Variants in PCDHGC3 observed in about 807,000 individuals in gnomAD.
The protein encoded by PCDHGC3 is protocadherin gamma subfamily C, 3, also known as protocadherin gamma-C3.
Under a neutral mutation model 59.2 loss-of-function variants are expected in PCDHGC3, and 26 were observed. The ratio of observed to expected loss-of-function variants is 0.44; its 90% CI spans 0.32 to 0.61. The LOEUF (loss-of-function observed/expected upper bound fraction) is 0.61, where lower values mean the gene tolerates loss of function less well. PCDHGC3 is among the 20% of genes least tolerant of loss of function. PCDHGC3 has a pLI of 0.05. For synonymous variants in PCDHGC3, 487 were observed against 519.7 expected (o/e 0.94, Z 0.86); for missense variants, 1,080 against 1,221.8 (o/e 0.88, Z 1.73).
Position 141,491,078 on chromosome 5 carries a change from C to G in PCDHGC3, c.2431-3729C>G, listed in dbSNP as rs1386717886. The G allele has an allele frequency of 5.6e-6, 9 of 1,614,194 alleles. No homozygotes were observed. Among genetic ancestry groups the G allele is most frequent in the East Asian group, 4.5e-5 (2 of 44,882 alleles). ...CTCTCCTACTCACTGTTGCCACAGTCCACAGCCCCAGGACTGTTCCTCGTG... is the reference window on the plus strand; with the variant it reads ...CTCTCCTACTCACTGTTGCCACAGTGCACAGCCCCAGGACTGTTCCTCGTG... On this transcript the variant is annotated intron_variant, in intron 1 of 3. Transcript: ENST00000308177. This position sits in a 1 kb window ranked among gnomAD's most constrained non-coding sequence, Gnocchi z 6.9.
At chr5:141,500,877 A>C (rs2099803156) in intron 2 of PCDHGC3, among the ~76,000 whole-genome samples, 1 of 122,292 alleles carries the variant, frequency 8.2e-6, no homozygotes, top group African/African-American at 3.9e-5. Flanking sequence ...TTCATTTACA[A>C]TTTTTTTTTT....
In PCDHGC3 at chr5:141,489,597, A is replaced by G; in HGVS notation, c.2431-5210A>G. 6.2e-7 allele frequency: 1 copy of G among 1,614,100 alleles called. No individual in the cohort carries two copies. The highest frequency in any genetic ancestry group is 1.3e-5 in the African/African-American group (1 of 75,040). ...AACACCCCCTGGAGCTAATCCGTGTAGAGGTAGAGATCCTGGATCTCAATG... is the reference window on the plus strand; with the variant it reads ...AACACCCCCTGGAGCTAATCCGTGTGGAGGTAGAGATCCTGGATCTCAATG... On this transcript the variant is annotated intron_variant, in intron 1 of 3. Transcript: ENST00000308177. The surrounding 1 kb of genome is among the most constrained non-coding windows in gnomAD (Gnocchi z 4.5).
chr5:141,486,166 G>A lies in PCDHGC3; in HGVS notation c.2430+7620G>A. ...GCGATGGGGGTTCTCCAGCCATGGA[G>A]CAACATTGCAGCCTTCGAGTGGATC... On this transcript the variant is annotated intron_variant, in intron 1 of 3. Coordinates refer to ENST00000308177, the MANE Select transcript of PCDHGC3 (RefSeq NM_002588.4). The surrounding 1 kb of genome is among the most constrained non-coding windows in gnomAD (Gnocchi z 5.0). The A allele has an allele frequency of 2.5e-6, 4 of 1,614,224 alleles. No individual in the cohort carries two copies. The highest frequency in any genetic ancestry group is 3.4e-6 in the Non-Finnish European group (4 of 1,180,040).
Position 141,478,316 on chromosome 5 carries a change from C to T in PCDHGC3, c.2200C>T (p.Leu734=), listed in dbSNP as rs776948755. ...RDLYRAPVSS[L]YRTPGPSLHA... ...CCTATACCGAGCCCCGGTGAGCTCA[C>T]TGTACCGAACACCAGGGCCCTCCTT... Residue 734 remains leucine, a synonymous_variant, in exon 1 of 4, where the codon CTG becomes TTG. Coordinates refer to ENST00000308177, the MANE Select transcript of PCDHGC3 (RefSeq NM_002588.4). 120 of 1,613,924 alleles carry T rather than the reference C, an allele frequency of 7.4e-5. 2 individuals carry two copies. In the South Asian group the frequency reaches 1.3e-3, roughly 18 times the overall value.
At chr5:141,509,573 C>G (rs372901649) in intron 3 of PCDHGC3, among the ~76,000 whole-genome samples, 4 of 152,164 alleles carry the variant, frequency 2.6e-5, no homozygotes, top group Admixed American at 2.6e-4. Context: ...CTTCACAGTG[C>G]GTACAAATCA....
In PCDHGC3 at chr5:141,491,759, G is replaced by A; in HGVS notation, c.2431-3048G>A. On this transcript the variant is annotated intron_variant, in intron 1 of 3. Coordinates refer to ENST00000308177, the MANE Select transcript of PCDHGC3 (RefSeq NM_002588.4). The surrounding 1 kb of genome is among the most constrained non-coding windows in gnomAD (Gnocchi z 6.9). ...GGGGGCGGCACTGGAGAAGCCGCCC[G>A]TCCTCATAAGGGATTGAACTTGCAT... 2 of 1,575,392 alleles carry A rather than the reference G, an allele frequency of 1.3e-6. No homozygotes were observed. The highest frequency in any genetic ancestry group is 1.9e-5 in the Admixed American group (1 of 52,640).
At position 141,494,758 on chromosome 5, in the gene PCDHGC3, T is replaced by C. The variant is rs370692038; in HGVS notation, c.2431-49T>C. ...CCATCCCTAGGGGCTCGGGTGACAT[T>C]CTAACTTCTCACGGGTACTCAGCCC... On this transcript the variant is annotated intron_variant, in intron 1 of 3. Transcript: ENST00000308177. The C allele has an allele frequency of 1.3e-5, 21 of 1,613,682 alleles. No homozygotes were observed. The African/African-American group carries it at 2.7e-4, about 21-fold the overall frequency.
chr5:141,477,066 T>C lies in PCDHGC3; in HGVS notation c.950T>C (p.Leu317Pro). ...CGGCTGGACTTCGAGGACACCAAAC[T>C]CCATGAGATTTACATCCAGGCCAAA... Reference protein sequence around the residue: ...KGRLDFEDTKLHEIYIQAKDK... With the variant: ...KGRLDFEDTKPHEIYIQAKDK... Residue 317 changes from leucine (L) to proline (P), a missense_variant, in exon 1 of 4, where the codon CTC becomes CCC. By Grantham distance (98) the Leu-to-Pro change is moderately conservative. Coordinates refer to ENST00000308177, the MANE Select transcript of PCDHGC3 (RefSeq NM_002588.4). This position sits in a 1 kb window ranked among gnomAD's most constrained non-coding sequence, Gnocchi z 4.9. 6.2e-7 allele frequency: 1 copy of C among 1,614,148 alleles called. No homozygotes were observed. The highest frequency in any genetic ancestry group is 8.5e-7 in the Non-Finnish European group (1 of 1,180,028).
At position 141,486,427 on chromosome 5, in the gene PCDHGC3, A is replaced by T. The variant is rs775958317; in HGVS notation, c.2430+7881A>T. ...CTGGACCCTTGGATCGAGAGGCCAAATCTAGCTATGACATCATGGTCACTG... is the reference window on the plus strand; with the variant it reads ...CTGGACCCTTGGATCGAGAGGCCAATTCTAGCTATGACATCATGGTCACTG... On this transcript the variant is annotated intron_variant, in intron 1 of 3. Transcript: ENST00000308177. The surrounding 1 kb of genome is among the most constrained non-coding windows in gnomAD (Gnocchi z 5.0). 17 of 1,614,042 alleles carry T rather than the reference A, an allele frequency of 1.1e-5. No homozygotes were observed. The Admixed American group carries it at 2.8e-4, about 27-fold the overall frequency.
At position 141,486,447 on chromosome 5, in the gene PCDHGC3, T is replaced by A. The variant is rs1452869378; in HGVS notation, c.2430+7901T>A. 6.2e-7 allele frequency: 1 copy of A among 1,614,058 alleles called. No individual in the cohort carries two copies. The highest frequency in any genetic ancestry group is 1.7e-5 in the Admixed American group (1 of 60,012). On this transcript the variant is annotated intron_variant, in intron 1 of 3. Coordinates refer to ENST00000308177, the MANE Select transcript of PCDHGC3 (RefSeq NM_002588.4). This position sits in a 1 kb window ranked among gnomAD's most constrained non-coding sequence, Gnocchi z 5.0. Reference sequence around the variant, plus strand: ...GCCAAATCTAGCTATGACATCATGGTCACTGCTTCTGATGCTGGGAACCCT... The same window carrying A: ...GCCAAATCTAGCTATGACATCATGGACACTGCTTCTGATGCTGGGAACCCT...
At chr5:141,507,121 G>A (rs940889204) in intron 3 of PCDHGC3, 1 of 152,126 alleles carries the variant, frequency 6.6e-6, no homozygotes, top group African/African-American at 2.4e-5. Flanking sequence ...GGCTGCCTTT[G>A]GATCCAGCCT....
chr5:141,489,846 T>C lies in PCDHGC3; in HGVS notation c.2431-4961T>C. The C allele has an allele frequency of 6.2e-7, 1 of 1,614,190 alleles. No individual in the cohort carries two copies. The highest frequency in any genetic ancestry group is 1.1e-5 in the South Asian group (1 of 91,088). ...TGGTGCTAGAGCAGCAGCTGGATCG[T>C]GAAGCCCAGGCAAGACATCAGCTGG... is the stretch of plus-strand genomic sequence containing the variant. On this transcript the variant is annotated intron_variant, in intron 1 of 3. Coordinates refer to ENST00000308177, the MANE Select transcript of PCDHGC3 (RefSeq NM_002588.4). This position sits in a 1 kb window ranked among gnomAD's most constrained non-coding sequence, Gnocchi z 4.5.
intron 2 of PCDHGC3, 22 bp downstream of exon 2, chr5:141,494,887 C>T (rs116522768): frequency 0.014 from 22,125 of 1,614,118 alleles, 208 homozygotes; most frequent in Middle Eastern, 0.021. Context: ...ATTCTCCAGC[C>T]CACCCTCTTC....
At chr5:141,479,505 G>A (rs2099498324) in intron 1 of PCDHGC3, 1 of 152,262 alleles carries the variant, frequency 6.6e-6, no homozygotes, top group African/African-American at 2.4e-5. Flanking sequence ...CCTAAAGAGG[G>A]GTGAACTGGC....
intron 2 of PCDHGC3, among the ~76,000 whole-genome samples, chr5:141,497,781 C>T (rs2099779421): frequency 1.3e-5 from 2 of 152,192 alleles, no homozygotes; most frequent in African/African-American, 4.8e-5. Flanking sequence ...CTCAACTGAT[C>T]CACCTGCTTC....
rs1424346887 is a variant in PCDHGC3, at chr5:141,489,602, T to C, written c.2431-5205T>C. ...CCCCTGGAGCTAATCCGTGTAGAGG[T>C]AGAGATCCTGGATCTCAATGACAAC... On this transcript the variant is annotated intron_variant, in intron 1 of 3. Coordinates refer to ENST00000308177, the MANE Select transcript of PCDHGC3 (RefSeq NM_002588.4). The surrounding 1 kb of genome is among the most constrained non-coding windows in gnomAD (Gnocchi z 4.5). The C allele has an allele frequency of 5.6e-6, 9 of 1,613,754 alleles. No homozygotes were observed. In the African/African-American group the frequency reaches 6.7e-5, roughly 12 times the overall value.
At position 141,489,108 on chromosome 5, in the gene PCDHGC3, A is replaced by C; in HGVS notation, c.2431-5699A>C. The C allele has an allele frequency of 2.0e-6, 1 of 489,086 alleles. No individual in the cohort carries two copies. The highest frequency in any genetic ancestry group is 3.5e-6 in the Non-Finnish European group (1 of 287,626). 30.3% of individuals were successfully genotyped at this position (489,086 alleles called of 1,614,324 possible). On this transcript the variant is annotated intron_variant, in intron 1 of 3. Transcript: ENST00000308177. This position sits in a 1 kb window ranked among gnomAD's most constrained non-coding sequence, Gnocchi z 4.5. The stretch of plus-strand genomic sequence containing the variant: ...TCGGTGACTAAGAACTGCTGCAAGC[A>C]GGCAAACCTCCGAGCAGTTTTTAAG...
intron 1 of PCDHGC3, among the ~76,000 whole-genome samples, chr5:141,481,749 C>G (rs958851030): frequency 7.9e-5 from 12 of 151,976 alleles, no homozygotes; most frequent in African/African-American, 2.9e-4. Context: ...GTCAGGAGTC[C>G]AAGACCAGCC....
rs759809591 is a variant in PCDHGC3 at position 141,511,048 on chromosome 5, C to T, written c.2680C>T (p.Arg894Cys). The change falls in exon 4 of 4, where the codon CGC becomes TGC. Residue 894 changes from arginine (R) to cysteine (C), a missense_variant. Coordinates refer to ENST00000308177, the MANE Select transcript of PCDHGC3 (RefSeq NM_002588.4). ...QFTLQHVPDY[R>C]QNVYIPGSNA... ...CACCCTGCAGCACGTGCCCGACTAC[C>T]GCCAGAATGTCTACATCCCAGGCAG... 9 of 1,614,224 alleles carry T rather than the reference C, an allele frequency of 5.6e-6. No individual in the cohort carries two copies. The highest frequency in any genetic ancestry group is 1.7e-5 in the Admixed American group (1 of 60,034).
Sources: allele counts gnomAD v4.1 joint callset (sites outside exome capture counted in the v4.1 genomes callset), GRCh38; gene constraint gnomAD v4.1.1; non-coding constraint Gnocchi (gnomAD v3.1); transcripts MANE v1.5; gene names NCBI Gene and HGNC (gene_info 2026-07-23, HGNC 2026-07-21).